The following GRIP1 variants were observed in gnomAD, a reference collection of about 807,000 sequenced individuals.
GRIP1 encodes the protein glutamate receptor interacting protein 1, also known as glutamate receptor-interacting protein 1.
In GRIP1, 45 loss-of-function variants were observed where a neutral mutation model predicts 129.9. The ratio of observed to expected loss-of-function variants is 0.35; its 90% CI spans 0.27 to 0.44. The LOEUF (loss-of-function observed/expected upper bound fraction) is 0.44, where lower values mean the gene tolerates loss of function less well. Among genes scored for constraint, GRIP1 ranks in the 20% least tolerant of loss-of-function variants. GRIP1 has a pLI of 1.00. For synonymous variants in GRIP1, 530 were observed against 520.8 expected (o/e 1.02, Z -0.24); for missense variants, 1,196 against 1,396.8 (o/e 0.86, Z 2.29).
intron 1 of GRIP1, among the ~76,000 whole-genome samples, chr12:66,976,644 C>A (rs1431384146): frequency 6.6e-6 from 1 of 152,190 alleles, no homozygotes. Flanking sequence ...AAAATCTACA[C>A]TCCTTATGCT....
At chr12:66,537,770 T>C (rs945272904) in intron 4 of GRIP1, among the ~76,000 whole-genome samples, 3 of 152,188 alleles carry the variant, frequency 2.0e-5, no homozygotes, top group Non-Finnish European at 4.4e-5. Flanking sequence ...TTTTAAATTC[T>C]TCCTGAGTAG....
intron 1 of GRIP1, among the ~76,000 whole-genome samples, chr12:66,762,888 T>C (rs759984668): frequency 2.0e-5 from 3 of 152,212 alleles, no homozygotes; most frequent in Non-Finnish European, 2.9e-5. Context: ...ACAATACTGG[T>C]TGATTTCATT....
chr12:66,439,855 CTTCA>C (rs2058422207), intron 13 of GRIP1, among the ~76,000 whole-genome samples: 1 of 152,144 alleles, frequency 6.6e-6, no homozygotes. Context: ...CAATCTAATC[CTTCA>C]TTTTCTCTGC....
chr12:66,575,049 G>A (rs528463991), intron 2 of GRIP1, among the ~76,000 whole-genome samples: 3 of 152,180 alleles, frequency 2.0e-5, no homozygotes, highest in South Asian at 2.1e-4. Context: ...TGGGATTACA[G>A]GCATTAGCCA....
At chr12:66,404,530 T>A (rs2137642736) in intron 16 of GRIP1, among the ~76,000 whole-genome samples, 1 of 152,302 alleles carries the variant, frequency 6.6e-6, no homozygotes, top group South Asian at 2.1e-4. Flanking sequence ...ATGTTGCCCC[T>A]CTGGGCTTCT....
intron 1 of GRIP1, among the ~76,000 whole-genome samples, chr12:67,009,997 C>T (rs184289389): frequency 1.8e-4 from 28 of 152,200 alleles, no homozygotes; most frequent in Admixed American, 7.9e-4. Flanking sequence ...AATGCAAGGG[C>T]GTATTTCTAG....
At chr12:66,609,746 T>A (rs1232135298) in intron 1 of GRIP1, among the ~76,000 whole-genome samples, 45 of 152,196 alleles carry the variant, frequency 3.0e-4, no homozygotes, top group Non-Finnish European at 8.8e-5. Context: ...GAACTGATTT[T>A]GGAGCATTAT....
At chr12:66,752,763 C>G (rs184069445) in intron 1 of GRIP1, among the ~76,000 whole-genome samples, 1 of 152,262 alleles carries the variant, frequency 6.6e-6, no homozygotes, top group African/African-American at 2.4e-5. Context: ...TTGTGCTTCA[C>G]TGTCTAGGGA....
At chr12:66,674,716 C>T (rs1159492920) in intron 1 of GRIP1, among the ~76,000 whole-genome samples, 1 of 152,068 alleles carries the variant, frequency 6.6e-6, no homozygotes, top group African/African-American at 2.4e-5. Context: ...ATAATGATTC[C>T]ATGATTGGGG....
chr12:67,029,285 T>C (rs765172085), intron 1 of GRIP1, among the ~76,000 whole-genome samples: 13 of 152,036 alleles, frequency 8.6e-5, no homozygotes, highest in Non-Finnish European at 1.3e-4. Flanking sequence ...GTTGTTGTTA[T>C]CGTTGTTATG....
chr12:66,868,733 A>G (rs1210623764), intron 1 of GRIP1, among the ~76,000 whole-genome samples: 1 of 152,134 alleles, frequency 6.6e-6, no homozygotes, highest in Non-Finnish European at 1.5e-5. Context: ...GAAGGCTAAA[A>G]TAAGCAGAGA....
chr12:66,432,135 A>G (rs2058167173), intron 14 of GRIP1, among the ~76,000 whole-genome samples: 1 of 152,142 alleles, frequency 6.6e-6, no homozygotes, highest in African/African-American at 2.4e-5. Context: ...TATACGATAT[A>G]CTAATAATTC....
rs2054041438 is a variant in GRIP1 at position 66,347,786 on chromosome 12, G to GAAATAT, written c.*1232_*1233insATATTT. 6.6e-6 allele frequency: 1 copy of GAAATAT among 151,926 alleles called. No individual in the cohort carries two copies. Among genetic ancestry groups the GAAATAT allele is most frequent in the Non-Finnish European group, 1.5e-5 (1 of 67,990 alleles). The allele number at this position is 151,926 out of a possible 1,614,324, so 9.4% of individuals were successfully genotyped here. A position where few individuals can be genotyped will look rare whatever the true frequency, so the allele number is the denominator to read the frequency against. On this transcript the variant is annotated 3_prime_UTR_variant, in exon 25 of 25. Coordinates refer to ENST00000359742, the MANE Select transcript of GRIP1 (RefSeq NM_001366722.1). ...TTTTTTTATATTTCCTTAAACAAAGGACACAGTGTTCGAATACTTTGCCTA... is the reference window on the plus strand; with the variant it reads ...TTTTTTTATATTTCCTTAAACAAAGGAAATATACACAGTGTTCGAATACTTTGCCTA...
At chr12:66,602,627 G>A (rs2064324538) in intron 1 of GRIP1, among the ~76,000 whole-genome samples, 1 of 152,104 alleles carries the variant, frequency 6.6e-6, no homozygotes. Flanking sequence ...ATTAGGGAAT[G>A]ATCTGAGCTT....
intron 1 of GRIP1, among the ~76,000 whole-genome samples, chr12:66,926,202 T>C (rs190985733): frequency 1.3e-5 from 2 of 152,244 alleles, no homozygotes; most frequent in East Asian, 3.9e-4. Flanking sequence ...TTCTCAGTGT[T>C]CTACAGTCAA....
intron 1 of GRIP1, among the ~76,000 whole-genome samples, chr12:66,600,062 A>T (rs1282232033): frequency 1.3e-5 from 2 of 152,206 alleles, no homozygotes; most frequent in African/African-American, 4.8e-5. Flanking sequence ...TTTGAAAAGG[A>T]GCCTGAGCCA....
intron 7 of GRIP1, among the ~76,000 whole-genome samples, chr12:66,483,467 G>A (rs1319072935): frequency 2.6e-5 from 4 of 152,096 alleles, no homozygotes; most frequent in African/African-American, 9.7e-5. Flanking sequence ...AATATTTATT[G>A]TATTGCAAGA....
chr12:66,998,922 A>C lies in GRIP1; in HGVS notation c.58+70128T>G, dbSNP rs373306220. ...TAAAAAGTACGAGCATTTGAGCCTA[A>C]GTGCCCTTAAACTATAATGATCTTC... On this transcript the variant is annotated intron_variant, in intron 1 of 1. Transcript: ENST00000643019. 2.0e-5 allele frequency among the ~76,000 whole-genome samples: 3 copies of C among 152,258 alleles called. No homozygotes were observed. The East Asian group carries it at 5.8e-4, about 29-fold the overall frequency.
intron 1 of GRIP1, among the ~76,000 whole-genome samples, chr12:66,788,675 AG>A (rs1348350100): frequency 6.6e-6 from 1 of 152,038 alleles, no homozygotes; most frequent in Non-Finnish European, 1.5e-5. Flanking sequence ...ATTTGCCGGG[AG>A]AAAAAGCCCT....
Sources: allele counts gnomAD v4.1 joint callset (sites outside exome capture counted in the v4.1 genomes callset), GRCh38; gene constraint gnomAD v4.1.1; transcripts MANE v1.5; gene names NCBI Gene and HGNC (gene_info 2026-07-23, HGNC 2026-07-21).